DMD: variants seen among roughly 807,000 people sequenced by gnomAD.
The protein encoded by DMD is mutant dystrophin.
A neutral mutation model predicts 330.1 loss-of-function variants in DMD; 63 were observed. That is an observed-to-expected ratio of 0.19 (90% CI 0.16 to 0.24). The LOEUF (loss-of-function observed/expected upper bound fraction) is 0.24. DMD is among the 10% of genes least tolerant of loss of function. The pLI, the probability that DMD is intolerant of heterozygous loss-of-function variation, is 1.00. For missense variants in DMD, 3,344 were observed against 2,684.1 expected (o/e 1.25, Z -5.43); for synonymous variants, 1,223 against 959.8 (o/e 1.27, Z -5.07).
chrX:31,637,201 A>T lies in DMD; in HGVS notation c.8028-9339T>A, dbSNP rs1045046715. ...CCCTTCTAATTGTAAACCTATTTTA[A>T]TGGCTCAGATATGATTTACAAGACA... On this transcript the variant is annotated intron_variant, in intron 54 of 78. Coordinates refer to ENST00000357033, the MANE Select transcript of DMD (RefSeq NM_004006.3). 4.5e-5 allele frequency among the ~76,000 whole-genome samples: 5 copies of T among 111,911 alleles called. No individual in the cohort carries two copies. In the East Asian group the frequency reaches 1.4e-3, roughly 31 times the overall value.
chrX:31,217,566 G>T (rs963238292), intron 64 of DMD, among the ~76,000 whole-genome samples: 1 of 112,331 alleles, frequency 8.9e-6, no homozygotes. Context: ...AGAGTTGGTA[G>T]AAGTGGCCTT....
chrX:31,360,087 C>T (rs1264882528), intron 60 of DMD, among the ~76,000 whole-genome samples: 12 of 109,136 alleles, frequency 1.1e-4, no homozygotes, highest in African/African-American at 3.3e-4. Context: ...TAGTAAAGGC[C>T]CGGATATGAA....
At chrX:32,574,218 G>T (rs920283527) in intron 13 of DMD, among the ~76,000 whole-genome samples, 1 of 111,738 alleles carries the variant, frequency 8.9e-6, no homozygotes, top group African/African-American at 3.3e-5. Flanking sequence ...AAGAATAAAA[G>T]TCTAACTACT....
chrX:32,653,939 C>G (rs949037253), intron 9 of DMD, among the ~76,000 whole-genome samples: 2 of 111,656 alleles, frequency 1.8e-5, no homozygotes, highest in Non-Finnish European at 1.9e-5. Flanking sequence ...GGAGTTCACT[C>G]ATGATTTGCC....
In DMD at chrX:32,841,497, T is replaced by TAG. The variant is rs200173415; in HGVS notation, c.264+3284_264+3285dup. On this transcript the variant is annotated intron_variant, in intron 4 of 78. Coordinates refer to ENST00000357033, the MANE Select transcript of DMD (RefSeq NM_004006.3). ...CCACATTACATGATATTTGTGTGTG[T>TAG]AGAGAGAGAGAGAACAATGCAAGAG... is the stretch of plus-strand genomic sequence containing the variant. Among the ~76,000 whole-genome samples, 167 of 111,313 alleles carry TAG rather than the reference T, an allele frequency of 1.5e-3. 2 individuals are homozygous for TAG. The East Asian group carries it at 0.037, about 24-fold the overall frequency.
At chrX:31,475,561 T>G (rs1198415130) in intron 59 of DMD, among the ~76,000 whole-genome samples, 1 of 112,054 alleles carries the variant, frequency 8.9e-6, no homozygotes, top group Admixed American at 9.5e-5. Flanking sequence ...GACATTTTCC[T>G]AACTTATTTC....
intron 74 of DMD, among the ~76,000 whole-genome samples, chrX:31,156,284 T>C: frequency 8.9e-6 from 1 of 112,240 alleles, no homozygotes; most frequent in East Asian, 2.8e-4. Flanking sequence ...ATAAAGGTTT[T>C]ATATAAGACA....
intron 1 of DMD, among the ~76,000 whole-genome samples, chrX:33,258,819 T>TA (rs747129671): frequency 1.5e-3 from 168 of 111,349 alleles, no homozygotes; most frequent in African/African-American, 5.2e-3. Context: ...TCTTATGTAG[T>TA]ACATACTCAA....
intron 62 of DMD, among the ~76,000 whole-genome samples, chrX:31,310,717 T>TG (rs1429844405): frequency 1.8e-5 from 1 of 56,357 alleles, no homozygotes; most frequent in Non-Finnish European, 3.5e-5. Flanking sequence ...ATGCCAAGGA[T>TG]TTTTTTTTTT....
chrX:31,309,692 C>G (rs1391534229), intron 62 of DMD, among the ~76,000 whole-genome samples: 1 of 111,736 alleles, frequency 8.9e-6, no homozygotes, highest in African/African-American at 3.2e-5. Flanking sequence ...CCTGGGGAAC[C>G]TGAAATAATC....
intron 2 of DMD, among the ~76,000 whole-genome samples, chrX:32,950,860 T>G (rs1347842211): frequency 9.0e-6 from 1 of 111,667 alleles, no homozygotes; most frequent in Non-Finnish European, 1.9e-5. Context: ...TATAGAGTCT[T>G]TTATGAACCA....
At chrX:31,211,131 A>G (rs1380807734) in intron 64 of DMD, among the ~76,000 whole-genome samples, 1 of 112,314 alleles carries the variant, frequency 8.9e-6, no homozygotes, top group African/African-American at 3.2e-5. Context: ...TTATCTGAAG[A>G]ATCAAGTGAG....
chrX:31,643,581 ATTTGT>A (rs2079905069), intron 54 of DMD, among the ~76,000 whole-genome samples: 1 of 112,065 alleles, frequency 8.9e-6, no homozygotes, highest in Non-Finnish European at 1.9e-5. Context: ...AACATTGCAC[ATTTGT>A]TTTGTTAGTG....
chrX:31,949,145 A>G (rs948817376), intron 45 of DMD, among the ~76,000 whole-genome samples: 1 of 110,856 alleles, frequency 9.0e-6, no homozygotes, highest in African/African-American at 3.3e-5. Context: ...TGTGGGATCA[A>G]TTTTTCAATT....
intron 53 of DMD, among the ~76,000 whole-genome samples, chrX:31,672,192 A>G (rs2081842801): frequency 9.0e-6 from 1 of 111,386 alleles, no homozygotes; most frequent in African/African-American, 3.3e-5. Flanking sequence ...TAATTTTCTC[A>G]TATTTATGAA....
rs144938930 is a variant in DMD, at chrX:31,350,009, A to G, written c.9085-1375T>C. ...TCTCATTTTTTCACTCTCTCCCTAG[A>G]CTTGCCCATTTTTGCTTGGCCCAAA... On this transcript the variant is annotated intron_variant, in intron 60 of 78. Transcript: ENST00000357033. Among the ~76,000 whole-genome samples the G allele has an allele frequency of 1.7e-3, 191 of 111,380 alleles. 2 individuals carry two copies. The highest frequency in any genetic ancestry group is 5.4e-3 in the African/African-American group (164 of 30,652).
chrX:32,421,147 A>T (rs1226539537), intron 29 of DMD, among the ~76,000 whole-genome samples: 1 of 112,250 alleles, frequency 8.9e-6, no homozygotes, highest in African/African-American at 3.2e-5. Context: ...AATACTCCAG[A>T]TGATTGTCAT....
At chrX:32,568,071 A>C (rs192706663) in intron 15 of DMD, among the ~76,000 whole-genome samples, 1 of 112,432 alleles carries the variant, frequency 8.9e-6, no homozygotes, top group Admixed American at 9.4e-5. Flanking sequence ...GGAGTGTGAG[A>C]ATTATGTTTA....
chrX:32,739,654 G>T (rs1487615110), intron 7 of DMD, among the ~76,000 whole-genome samples: 1 of 111,916 alleles, frequency 8.9e-6, no homozygotes, highest in Non-Finnish European at 1.9e-5. Flanking sequence ...GGAAACTTGA[G>T]AAGTATGTGG....
Sources: allele counts gnomAD v4.1 joint callset (sites outside exome capture counted in the v4.1 genomes callset), GRCh38; gene constraint gnomAD v4.1.1; transcripts MANE v1.5; gene names NCBI Gene and HGNC (gene_info 2026-07-23, HGNC 2026-07-21).